RNF150: variants seen among roughly 807,000 people sequenced by gnomAD.
The protein encoded by RNF150 is ring finger protein 150.
In RNF150, 24 loss-of-function variants were observed where a neutral mutation model predicts 39.3. That is an observed-to-expected ratio of 0.61 (90% CI 0.44 to 0.86). The LOEUF is 0.86. Ranked by LOEUF, RNF150 falls within the 40% of genes least tolerant of loss-of-function variation. The probability of loss-of-function intolerance (pLI) is 0.00; values close to 1 mark genes in which losing one functional copy is unlikely to be tolerated. For missense variants in RNF150, 502 were observed against 587.8 expected (o/e 0.85, Z 1.51); for synonymous variants, 255 against 227.3 (o/e 1.12, Z -1.10).
rs748811178 is a variant in RNF150 at position 140,911,140 on chromosome 4, T to G, written c.1198+4A>C. On this transcript the variant is annotated splice_donor_region_variant and intron_variant, in intron 6 of 6. Coordinates refer to ENST00000515673, the MANE Select transcript of RNF150 (RefSeq NM_020724.2). ...TATGTCACTTTAAGTATGGCAGAAC[T>G]CACTGTTAGTAGTAAAGATGACGTC... is the stretch of plus-strand genomic sequence containing the variant. 2 of 1,609,828 alleles carry G rather than the reference T, an allele frequency of 1.2e-6. No individual in the cohort carries two copies. The highest frequency in any genetic ancestry group is 8.5e-7 in the Non-Finnish European group (1 of 1,176,116).
chr4:141,171,773 T>C (rs1325331819), intron 1 of RNF150, among the ~76,000 whole-genome samples: 2 of 152,180 alleles, frequency 1.3e-5, no homozygotes, highest in African/African-American at 2.4e-5. Flanking sequence ...TTTTATTTTG[T>C]AGATGTTTAA....
chr4:140,961,833 C>A (rs1733037741), intron 2 of RNF150, among the ~76,000 whole-genome samples: 1 of 152,010 alleles, frequency 6.6e-6, no homozygotes, highest in South Asian at 2.1e-4. Flanking sequence ...CATACCACTA[C>A]CTTTCAATTT....
In RNF150 at chr4:141,132,703, T is replaced by C. The variant is rs761568360; in HGVS notation, c.106A>G (p.Lys36Glu). 6.2e-7 allele frequency: 1 copy of C among 1,609,372 alleles called. No individual in the cohort carries two copies. The highest frequency in any genetic ancestry group is 8.5e-7 in the Non-Finnish European group (1 of 1,178,262). ...LLCLDFTVAE[K>E]EEWYTAFVNI... ...ACGAAGGCGGTGTACCATTCCTCCT[T>C]CTCGGCCACGGTAAAGTCCAGGCAG... Residue 36 changes from lysine (K) to glutamate (E), a missense_variant, in exon 1 of 7, where the codon AAG becomes GAG. Transcript: ENST00000515673. This position sits in a 1 kb window ranked among gnomAD's most constrained non-coding sequence, Gnocchi z 4.9.
In RNF150 at chr4:141,133,331, C is replaced by T. The variant is rs2111114598; in HGVS notation, c.-523G>A. The T allele has an allele frequency of 6.2e-6, 1 of 161,682 alleles. No homozygotes were observed. Among genetic ancestry groups the T allele is most frequent in the Non-Finnish European group, 1.3e-5 (1 of 75,258 alleles). The allele number at this position is 161,682 out of a possible 1,614,324, so 10.0% of individuals were successfully genotyped here. On this transcript the variant is annotated 5_prime_UTR_variant, in exon 1 of 7. Coordinates refer to ENST00000515673, the MANE Select transcript of RNF150 (RefSeq NM_020724.2). Reference sequence around the variant, plus strand: ...GCCGCTGCTGCCCTGCGCCGGTTCCCTCAGGCTGCGGGCGCTGCGCTCCTG... The same window carrying T: ...GCCGCTGCTGCCCTGCGCCGGTTCCTTCAGGCTGCGGGCGCTGCGCTCCTG...
At position 141,032,737 on chromosome 4, in the gene RNF150, A is replaced by G. The variant is rs148828837; in HGVS notation, c.485-64864T>C. ...CCTCAGAGATACTGTGGATTCAGTA[A>G]TAAGGTAAATATCACAATAAAGCAA... On this transcript the variant is annotated intron_variant, in intron 1 of 6. Coordinates refer to ENST00000515673, the MANE Select transcript of RNF150 (RefSeq NM_020724.2). 4.1e-3 allele frequency among the ~76,000 whole-genome samples: 620 copies of G among 152,268 alleles called. 6 individuals carry two copies. Among genetic ancestry groups the G allele is most frequent in the African/African-American group, 0.014 (600 of 41,550 alleles).
chr4:140,976,302 C>T (rs956803913), intron 1 of RNF150, among the ~76,000 whole-genome samples: 2 of 152,068 alleles, frequency 1.3e-5, no homozygotes, highest in African/African-American at 2.4e-5. Flanking sequence ...CTTGGATTTA[C>T]AACCTTGTCC....
Position 141,113,557 on chromosome 4 carries a change from C to T in RNF150, c.484+18768G>A, listed in dbSNP as rs113734663. On this transcript the variant is annotated intron_variant, in intron 1 of 6. Coordinates refer to ENST00000515673, the MANE Select transcript of RNF150 (RefSeq NM_020724.2). Reference sequence around the variant, plus strand: ...ATATACAAAGAGACTTAGACTCCCACACAATAATAGTGGGAGACTTCAACA... The same window carrying T: ...ATATACAAAGAGACTTAGACTCCCATACAATAATAGTGGGAGACTTCAACA... Among the ~76,000 whole-genome samples, 847 of 152,232 alleles carry T rather than the reference C, an allele frequency of 5.6e-3. 47 individuals are homozygous for T. In the East Asian group the frequency reaches 0.11, roughly 21 times the overall value.
chr4:141,110,265 C>T (rs62324901), intron 1 of RNF150, among the ~76,000 whole-genome samples: 20,772 of 152,098 alleles, frequency 0.14, 1,571 homozygotes, highest in Middle Eastern at 0.19. Context: ...CCAGCAGACC[C>T]GAGAGGAATC....
rs149559563 is a variant in RNF150, at chr4:141,029,390, C to T, written c.485-61517G>A. On this transcript the variant is annotated intron_variant, in intron 1 of 6. Coordinates refer to ENST00000515673, the MANE Select transcript of RNF150 (RefSeq NM_020724.2). Reference sequence around the variant, plus strand: ...CAAACTCAGGATTTGGCATATGAGACATAAAGTCCAACAGTCGTTCTGTAT... The same window carrying T: ...CAAACTCAGGATTTGGCATATGAGATATAAAGTCCAACAGTCGTTCTGTAT... 1.6e-4 allele frequency among the ~76,000 whole-genome samples: 25 copies of T among 152,320 alleles called. No homozygotes were observed. In the East Asian group the frequency reaches 3.5e-3, roughly 21 times the overall value.
intron 1 of RNF150, among the ~76,000 whole-genome samples, chr4:141,128,661 A>C (rs1389113917): frequency 6.6e-6 from 1 of 152,158 alleles, no homozygotes; most frequent in Non-Finnish European, 1.5e-5. Context: ...CTTGCACTAA[A>C]GATACAGCCT....
chr4:141,075,810 C>T (rs1737875824), intron 1 of RNF150, among the ~76,000 whole-genome samples: 1 of 151,996 alleles, frequency 6.6e-6, no homozygotes. Context: ...ATAATTTTCT[C>T]AGTGGGGTGA....
chr4:141,040,167 C>CCACA (rs112615981), intron 1 of RNF150, among the ~76,000 whole-genome samples: 63,658 of 150,602 alleles, frequency 0.42, 14,827 homozygotes, highest in Non-Finnish European at 0.54. Flanking sequence ...GGTAACACAA[C>CCACA]CACACACACA....
At chr4:141,061,018 TAGG>T (rs1035057337) in intron 1 of RNF150, among the ~76,000 whole-genome samples, 15 of 152,006 alleles carry the variant, frequency 9.9e-5, no homozygotes, top group African/African-American at 3.1e-4. Flanking sequence ...GGGACAGTAT[TAGG>T]AGAAATACCT....
intron 1 of RNF150, among the ~76,000 whole-genome samples, chr4:141,152,841 A>G (rs1727323578): frequency 2.6e-5 from 4 of 152,218 alleles, no homozygotes; most frequent in Admixed American, 2.6e-4. Context: ...CAGTGTTTTT[A>G]TAAATTTTAC....
intron 1 of RNF150, among the ~76,000 whole-genome samples, chr4:141,207,681 T>C (rs1009987277): frequency 2.0e-5 from 3 of 152,202 alleles, no homozygotes; most frequent in Non-Finnish European, 4.4e-5. Context: ...AGAGAAAGCC[T>C]ACCCAGACTT....
At chr4:140,939,749 T>C (rs1484601933) in intron 4 of RNF150, among the ~76,000 whole-genome samples, 1 of 152,128 alleles carries the variant, frequency 6.6e-6, no homozygotes, top group African/African-American at 2.4e-5. Flanking sequence ...TATATTTTTT[T>C]CTATTTAGAA....
At chr4:140,869,521 G>T (rs911593654) in intron 6 of RNF150, among the ~76,000 whole-genome samples, 2 of 152,078 alleles carry the variant, frequency 1.3e-5, no homozygotes, top group African/African-American at 2.4e-5. Context: ...ATGGATATAG[G>T]GGAGATTAAG....
intron 1 of RNF150, among the ~76,000 whole-genome samples, chr4:141,185,827 T>G (rs1217153306): frequency 2.0e-5 from 3 of 152,232 alleles, no homozygotes; most frequent in African/African-American, 7.2e-5. Context: ...CGTGATGAAT[T>G]ATGTTTATTG....
chr4:140,983,537 A>C (rs1476378625), intron 1 of RNF150, among the ~76,000 whole-genome samples: 1 of 151,654 alleles, frequency 6.6e-6, no homozygotes, highest in African/African-American at 2.4e-5. Context: ...TGTATAATGC[A>C]TGTAGATCTT....
Sources: allele counts gnomAD v4.1 joint callset (sites outside exome capture counted in the v4.1 genomes callset), GRCh38; gene constraint gnomAD v4.1.1; non-coding constraint Gnocchi (gnomAD v3.1); transcripts MANE v1.5; gene names NCBI Gene and HGNC (gene_info 2026-07-23, HGNC 2026-07-21).